Variants in ROBO2 observed in about 807,000 individuals in gnomAD.
The protein encoded by ROBO2 is roundabout guidance receptor 2, also known as roundabout homolog 2.
Under a neutral mutation model 160.8 loss-of-function variants are expected in ROBO2, and 53 were observed. That is an observed-to-expected ratio of 0.33 (90% confidence interval 0.26 to 0.41). The LOEUF is 0.41. Ranked by LOEUF, ROBO2 falls within the 10% of genes least tolerant of loss-of-function variation. The probability of loss-of-function intolerance (pLI) is 1.00; values close to 1 mark genes in which losing one functional copy is unlikely to be tolerated. For synonymous variants in ROBO2, 664 were observed against 611.7 expected, an observed-to-expected ratio of 1.09 and a Z score of -1.26; for missense variants, 1,577 against 1,722.4, an observed-to-expected ratio of 0.92 and a Z score of 1.49.
chr3:77,144,535 A>G (rs1044586932), intron 2 of ROBO2, among the ~76,000 whole-genome samples: 2 of 152,222 alleles, frequency 1.3e-5, no homozygotes, highest in African/African-American at 4.8e-5. Flanking sequence ...TATAAAACGC[A>G]CATGCATAGG....
intron 2 of ROBO2, among the ~76,000 whole-genome samples, chr3:76,463,258 G>T (rs2078182923): frequency 6.6e-6 from 1 of 152,134 alleles, no homozygotes; most frequent in South Asian, 2.1e-4. Context: ...CATGGTATTT[G>T]AATCTTGTAT....
At chr3:76,612,012 G>C (rs1333043107) in intron 2 of ROBO2, among the ~76,000 whole-genome samples, 1 of 151,776 alleles carries the variant, frequency 6.6e-6, no homozygotes, top group African/African-American at 2.4e-5. Context: ...ATTTCTTATT[G>C]ACCCATTGGT....
At chr3:77,521,613 A>G (rs1233377892) in intron 5 of ROBO2, among the ~76,000 whole-genome samples, 1 of 151,282 alleles carries the variant, frequency 6.6e-6, no homozygotes, top group Non-Finnish European at 1.5e-5. Flanking sequence ...AACCATGATA[A>G]TTAAAGGATG....
intron 2 of ROBO2, among the ~76,000 whole-genome samples, chr3:76,790,811 A>G (rs2063307069): frequency 6.6e-6 from 1 of 151,806 alleles, no homozygotes; most frequent in Non-Finnish European, 1.5e-5. Context: ...GAAGGTATAT[A>G]ACATTGGTTA....
chr3:76,846,825 G>A (rs1486374534), intron 2 of ROBO2, among the ~76,000 whole-genome samples: 6 of 152,102 alleles, frequency 3.9e-5, no homozygotes, highest in African/African-American at 1.4e-4. Flanking sequence ...TATACACTCA[G>A]TGATCACTGT....
chr3:75,971,112 A>G (rs922152209), intron 2 of ROBO2, among the ~76,000 whole-genome samples: 1 of 151,364 alleles, frequency 6.6e-6, no homozygotes, highest in African/African-American at 2.4e-5. Flanking sequence ...TCTAATGTTT[A>G]GGACATAAAC....
chr3:77,562,211 AT>A (rs1472217299), intron 9 of ROBO2, among the ~76,000 whole-genome samples: 10 of 152,204 alleles, frequency 6.6e-5, no homozygotes, highest in Admixed American at 2.0e-4. Context: ...GGTATGTTTT[AT>A]TCATTGAAAC....
In ROBO2 at chr3:77,570,484, C is replaced by T. The variant is rs948544022; in HGVS notation, c.1971+2050C>T. On this transcript the variant is annotated intron_variant, in intron 13 of 25. Transcript: ENST00000461745. ...AGAGCAGAGTGTCTATTATGAAGTA[C>T]TCTTTTTAATAACTGTTTGTTGAAT... Among the ~76,000 whole-genome samples, 42 of 152,008 alleles carry T rather than the reference C, an allele frequency of 2.8e-4. 2 individuals are homozygous for T. The highest frequency in any genetic ancestry group is 2.5e-3 in the Admixed American group (38 of 15,214).
intron 2 of ROBO2, among the ~76,000 whole-genome samples, chr3:76,895,906 A>T (rs2074733056): frequency 6.6e-6 from 1 of 152,136 alleles, no homozygotes; most frequent in African/African-American, 2.4e-5. Context: ...TGCTTGTTTG[A>T]TCTTTTCCCT....
chr3:76,644,615 T>A (rs1233231525), intron 2 of ROBO2, among the ~76,000 whole-genome samples: 3 of 152,140 alleles, frequency 2.0e-5, no homozygotes, highest in Admixed American at 1.3e-4. Context: ...TAACTTGAAG[T>A]CTTCACCATA....
chr3:76,778,393 G>A (rs140010128), intron 2 of ROBO2, among the ~76,000 whole-genome samples: 1 of 151,078 alleles, frequency 6.6e-6, no homozygotes, highest in Non-Finnish European at 1.5e-5. Flanking sequence ...TTCTGGATCA[G>A]GGCATTAAAT....
At chr3:76,470,681 G>T (rs927006300) in intron 2 of ROBO2, among the ~76,000 whole-genome samples, 5 of 152,050 alleles carry the variant, frequency 3.3e-5, no homozygotes, top group African/African-American at 1.2e-4. Flanking sequence ...ATTTTCTTTG[G>T]TTAAAAGTGA....
intron 2 of ROBO2, among the ~76,000 whole-genome samples, chr3:77,389,632 T>A (rs947817130): frequency 6.6e-6 from 1 of 152,146 alleles, no homozygotes; most frequent in African/African-American, 2.4e-5. Flanking sequence ...TTCTTTCCTT[T>A]TTTTCTTCTT....
chr3:76,691,118 G>A (rs1489183782), intron 2 of ROBO2, among the ~76,000 whole-genome samples: 24 of 152,084 alleles, frequency 1.6e-4, no homozygotes, highest in Non-Finnish European at 4.4e-5. Context: ...ATTAGATCAT[G>A]AGGGGTCTGC....
intron 2 of ROBO2, among the ~76,000 whole-genome samples, chr3:76,710,284 C>G (rs965348981): frequency 2.7e-4 from 41 of 152,032 alleles, no homozygotes; most frequent in African/African-American, 9.9e-4. Context: ...CCCTGCCAAG[C>G]TTATTTTTGT....
At chr3:75,975,074 A>G (rs2065101018) in intron 2 of ROBO2, among the ~76,000 whole-genome samples, 1 of 151,580 alleles carries the variant, frequency 6.6e-6, no homozygotes, top group African/African-American at 2.4e-5. Context: ...TTCATAATAT[A>G]TGCTTAAAAT....
intron 2 of ROBO2, among the ~76,000 whole-genome samples, chr3:76,976,070 T>C (rs953992489): frequency 6.6e-6 from 1 of 152,186 alleles, no homozygotes; most frequent in Non-Finnish European, 1.5e-5. Flanking sequence ...CATGTTTTGT[T>C]GGTGTTTTGG....
chr3:77,328,770 T>C (rs1228157409), intron 2 of ROBO2, among the ~76,000 whole-genome samples: 2 of 152,210 alleles, frequency 1.3e-5, no homozygotes, highest in African/African-American at 4.8e-5. Flanking sequence ...AAATAGCATG[T>C]AAAGTGTTAT....
At chr3:76,422,015 C>T (rs7621495) in intron 2 of ROBO2, among the ~76,000 whole-genome samples, 99,486 of 152,040 alleles carry the variant, frequency 0.65, 33,325 homozygotes, top group African/African-American at 0.81. Flanking sequence ...AACTGTAAAT[C>T]GTAGGTTCTT....
Sources: allele counts gnomAD v4.1 joint callset (sites outside exome capture counted in the v4.1 genomes callset), GRCh38; gene constraint gnomAD v4.1.1; transcripts MANE v1.5; gene names NCBI Gene and HGNC (gene_info 2026-07-23, HGNC 2026-07-21).